The following SGCZ variants were observed in gnomAD, a reference collection of about 807,000 sequenced individuals.
SGCZ encodes zeta-sarcoglycan.
In SGCZ, 40 loss-of-function variants were observed where a neutral mutation model predicts 41.3. That is an observed-to-expected ratio of 0.97 (90% CI 0.75 to 1.26). SGCZ has a LOEUF of 1.26. Among genes scored for constraint, SGCZ ranks in the 50% most tolerant of loss-of-function variants. SGCZ has a pLI of 0.00. For synonymous variants in SGCZ, 206 were observed against 137.5 expected (o/e 1.50, Z -3.49); for missense variants, 552 against 369.8 (o/e 1.49, Z -4.04).
intron 1 of SGCZ, among the ~76,000 whole-genome samples, chr8:14,940,736 G>C (rs1242677554): frequency 6.6e-6 from 1 of 151,904 alleles, no homozygotes; most frequent in Non-Finnish European, 1.5e-5. Flanking sequence ...GACCATATAT[G>C]AATGAAGTGT....
intron 2 of SGCZ, among the ~76,000 whole-genome samples, chr8:14,497,999 T>C (rs529542315): frequency 3.3e-5 from 5 of 152,302 alleles, no homozygotes; most frequent in Non-Finnish European, 7.4e-5. Flanking sequence ...ATAAGTTTTA[T>C]ATTTTCTAAG....
chr8:15,059,830 G>A (rs1203109949), intron 1 of SGCZ, among the ~76,000 whole-genome samples: 2 of 152,146 alleles, frequency 1.3e-5, no homozygotes, highest in Non-Finnish European at 2.9e-5. Flanking sequence ...AATGCCTTCA[G>A]TTCTTTCCAA....
At position 14,641,651 on chromosome 8, in the gene SGCZ, T is replaced by C. The variant is rs116236939; in HGVS notation, c.40-86725A>G. 5.1e-3 allele frequency among the ~76,000 whole-genome samples: 769 copies of C among 151,788 alleles called. 6 individuals carry two copies. The highest frequency in any genetic ancestry group is 0.017 in the African/African-American group (725 of 41,494). On this transcript the variant is annotated intron_variant, in intron 1 of 7. Transcript: ENST00000382080. ...TTCACAGTCTCCAAAACACAATCTT[T>C]CTCATTTTAAAATACATGATTTTCT...
intron 2 of SGCZ, among the ~76,000 whole-genome samples, chr8:14,325,231 T>C (rs1475572620): frequency 3.3e-5 from 5 of 152,048 alleles, no homozygotes; most frequent in East Asian, 1.9e-4. Context: ...TAATGCATAA[T>C]TGCGTAGTAG....
intron 1 of SGCZ, among the ~76,000 whole-genome samples, chr8:14,699,243 C>CAT (rs200414979): frequency 0.018 from 2,645 of 149,132 alleles, 33 homozygotes; most frequent in Non-Finnish European, 0.026. Context: ...TATATATATG[C>CAT]ATATATATAT....
intron 1 of SGCZ, among the ~76,000 whole-genome samples, chr8:15,038,376 A>C (rs563408173): frequency 4.1e-4 from 63 of 152,248 alleles, no homozygotes; most frequent in Middle Eastern, 3.4e-3. Flanking sequence ...TCTTCAATAA[A>C]TGATGTTGTG....
chr8:14,724,439 T>C (rs79495215), intron 1 of SGCZ, among the ~76,000 whole-genome samples: 8,967 of 151,964 alleles, frequency 0.059, 753 homozygotes, highest in African/African-American at 0.19. Context: ...AAAATCTTAA[T>C]TAAACTATTG....
At chr8:14,312,664 G>A (rs968079592) in intron 3 of SGCZ, among the ~76,000 whole-genome samples, 4 of 151,882 alleles carry the variant, frequency 2.6e-5, no homozygotes, top group Middle Eastern at 3.4e-3. Flanking sequence ...AGGAAGAGGA[G>A]GAGGAAGAGG....
At chr8:14,454,182 G>A (rs899892075) in intron 2 of SGCZ, among the ~76,000 whole-genome samples, 1 of 152,114 alleles carries the variant, frequency 6.6e-6, no homozygotes, top group Admixed American at 6.6e-5. Flanking sequence ...AAGGTATGGT[G>A]GCAGGATTTC....
chr8:15,213,638 T>C (rs1801307571), intron 1 of SGCZ, among the ~76,000 whole-genome samples: 2 of 151,834 alleles, frequency 1.3e-5, no homozygotes, highest in African/African-American at 2.4e-5. Context: ...TTTATAAATT[T>C]AATGAAATAT....
At chr8:14,132,985 T>G (rs1803087721) in intron 5 of SGCZ, among the ~76,000 whole-genome samples, 1 of 152,136 alleles carries the variant, frequency 6.6e-6, no homozygotes, top group South Asian at 2.1e-4. Context: ...AAGATTTCCT[T>G]GAATGCTAGG....
chr8:14,266,559 G>A (rs563306713), intron 3 of SGCZ, among the ~76,000 whole-genome samples: 1 of 152,128 alleles, frequency 6.6e-6, no homozygotes, highest in African/African-American at 2.4e-5. Flanking sequence ...AGAAGGAAAG[G>A]GACAAAATAG....
intron 1 of SGCZ, among the ~76,000 whole-genome samples, chr8:14,799,521 G>C (rs1801245648): frequency 6.6e-6 from 1 of 151,926 alleles, no homozygotes; most frequent in African/African-American, 2.4e-5. Flanking sequence ...TGGTGATTCT[G>C]CAAAGTCAGG....
chr8:14,616,489 T>TA (rs1038488215), intron 1 of SGCZ, among the ~76,000 whole-genome samples: 1 of 152,078 alleles, frequency 6.6e-6, no homozygotes, highest in African/African-American at 2.4e-5. Flanking sequence ...TTTTTTAACC[T>TA]AAAAAACTAT....
intron 1 of SGCZ, among the ~76,000 whole-genome samples, chr8:14,629,713 ATTTAGGACTTT>A (rs1039073530): frequency 7.6e-6 from 1 of 132,178 alleles, no homozygotes; most frequent in Admixed American, 7.5e-5. Context: ...TGTCTGGTCT[ATTTAGGACTTT>A]TTTAGGGTAA....
intron 1 of SGCZ, among the ~76,000 whole-genome samples, chr8:14,782,340 A>G (rs190308078): frequency 6.6e-6 from 1 of 152,276 alleles, no homozygotes; most frequent in Admixed American, 6.5e-5. Flanking sequence ...CCTGACACTC[A>G]TCTCCCCAGG....
At chr8:14,487,048 G>C (rs1257526893) in intron 2 of SGCZ, among the ~76,000 whole-genome samples, 2 of 152,138 alleles carry the variant, frequency 1.3e-5, no homozygotes, top group African/African-American at 4.8e-5. Context: ...CACACTAGGA[G>C]TGACTCTGAG....
chr8:14,501,724 G>A (rs1307604706), intron 2 of SGCZ, among the ~76,000 whole-genome samples: 1 of 151,378 alleles, frequency 6.6e-6, no homozygotes, highest in Non-Finnish European at 1.5e-5. Context: ...GCTGAGTGAT[G>A]CCTGGCTTGG....
chr8:15,049,788 C>A (rs1046873238), intron 1 of SGCZ, among the ~76,000 whole-genome samples: 9 of 152,082 alleles, frequency 5.9e-5, no homozygotes, highest in African/African-American at 2.2e-4. Flanking sequence ...GCAATTCCCC[C>A]ATACTGTTCT....
Sources: allele counts gnomAD v4.1 joint callset (sites outside exome capture counted in the v4.1 genomes callset), GRCh38; gene constraint gnomAD v4.1.1; transcripts MANE v1.5; gene names NCBI Gene and HGNC (gene_info 2026-07-23, HGNC 2026-07-21).